NOL4L: variants seen among roughly 807,000 people sequenced by gnomAD.
NOL4L encodes nucleolar protein 4-like.
Under a neutral mutation model 64.5 loss-of-function variants are expected in NOL4L, and 7 were observed. The observed-to-expected ratio is 0.11, with a 90% CI of 0.06 to 0.20. The LOEUF is 0.20. NOL4L is among the 10% of genes least tolerant of loss of function. The probability of loss-of-function intolerance (pLI) is 1.00; values close to 1 mark genes in which losing one functional copy is unlikely to be tolerated. For missense variants in NOL4L, 680 were observed against 967.1 expected, an observed-to-expected ratio of 0.70 and a Z score of 3.94; for synonymous variants, 413 against 401.0, an observed-to-expected ratio of 1.03 and a Z score of -0.36.
intron 1 of NOL4L, among the ~76,000 whole-genome samples, chr20:32,535,044 G>C (rs1226278089): frequency 6.6e-6 from 1 of 151,986 alleles, no homozygotes; most frequent in African/African-American, 2.4e-5. Context: ...GGAGGAGGTG[G>C]AGAGGAAATT....
chr20:32,461,836 C>G (rs992981341), intron 5 of NOL4L, among the ~76,000 whole-genome samples: 11 of 151,806 alleles, frequency 7.2e-5, no homozygotes, highest in Admixed American at 7.2e-4. Context: ...TGTCTCTGGC[C>G]TGTGCCCAGC....
chr20:32,488,880 T>TTTCTTTC (rs1568649585), intron 4 of NOL4L, among the ~76,000 whole-genome samples: 3 of 99,938 alleles, frequency 3.0e-5, no homozygotes, highest in East Asian at 5.8e-4. Flanking sequence ...TCTTTCTTTC[T>TTTCTTTC]TTCTTTCTTT....
Position 32,460,352 on chromosome 20 carries a change from C to T in NOL4L, c.842-3957G>A, listed in dbSNP as rs149272331. The stretch of plus-strand genomic sequence containing the variant: ...GAAAGCCTGCCTTCCCCAGTGACAC[C>T]AAGGTCTCGCCTACCCCCAGCTCCG... On this transcript the variant is annotated intron_variant, in intron 5 of 10. Coordinates refer to ENST00000621426, the MANE Select transcript of NOL4L (RefSeq NM_001256798.2). The surrounding 1 kb of genome is among the most constrained non-coding windows in gnomAD (Gnocchi z 5.7). Among the ~76,000 whole-genome samples, 4 of 152,314 alleles carry T rather than the reference C, an allele frequency of 2.6e-5. No homozygotes were observed. The highest frequency in any genetic ancestry group is 9.6e-5 in the African/African-American group (4 of 41,560).
intron 4 of NOL4L, among the ~76,000 whole-genome samples, chr20:32,478,717 G>A (rs140282502): frequency 1.3e-5 from 2 of 152,234 alleles, no homozygotes; most frequent in Admixed American, 6.5e-5. Context: ...TCAGCCTCCC[G>A]AGGAGCTGGC....
intron 1 of NOL4L, among the ~76,000 whole-genome samples, chr20:32,578,840 C>T (rs1047073795): frequency 6.6e-6 from 1 of 152,210 alleles, no homozygotes; most frequent in Non-Finnish European, 1.5e-5. Context: ...AGTTCAGAGC[C>T]TTTTCTCCCA....
chr20:32,453,766 AAGG>A lies in NOL4L; in HGVS notation c.1120-8_1120-6del. On this transcript the variant is annotated splice_polypyrimidine_tract_variant and splice_region_variant and intron_variant, in intron 6 of 10. Coordinates refer to ENST00000621426, the MANE Select transcript of NOL4L (RefSeq NM_001256798.2). This position sits in a 1 kb window ranked among gnomAD's most constrained non-coding sequence, Gnocchi z 5.6. ...CCCAGAGCTGTAGGGGGGGGACTAAAAGGAGGGCAAGAGGCAGAGGGTTGGGCC... is the reference window on the plus strand; with the variant it reads ...CCCAGAGCTGTAGGGGGGGGACTAAAAGGGCAAGAGGCAGAGGGTTGGGCC... 6.4e-7 allele frequency: 1 copy of A among 1,552,102 alleles called. No individual in the cohort carries two copies.
chr20:32,554,182 G>A lies in NOL4L; in HGVS notation c.322-26269C>T, dbSNP rs562657537. ...AAAAAATACAAAAAATTAGCCGGGC[G>A]TGGTGGCAGGTGCCTGTAGTCCCAG... On this transcript the variant is annotated intron_variant, in intron 1 of 10. Coordinates refer to ENST00000621426, the MANE Select transcript of NOL4L (RefSeq NM_001256798.2). Among the ~76,000 whole-genome samples the A allele has an allele frequency of 5.9e-5, 9 of 152,046 alleles. No homozygotes were observed. In the South Asian group the frequency reaches 6.2e-4, roughly 11 times the overall value.
At chr20:32,550,189 T>G (rs1324439317) in intron 1 of NOL4L, among the ~76,000 whole-genome samples, 1 of 152,242 alleles carries the variant, frequency 6.6e-6, no homozygotes, top group Non-Finnish European at 1.5e-5. Context: ...TACACAATCC[T>G]AGATGACACA....
intron 1 of NOL4L, among the ~76,000 whole-genome samples, chr20:32,545,441 C>G (rs1474899814): frequency 6.6e-6 from 1 of 152,228 alleles, no homozygotes; most frequent in Non-Finnish European, 1.5e-5. Context: ...CAGCATGGGC[C>G]TCTCCTCTGC....
chr20:32,532,041 C>T (rs561147853), intron 1 of NOL4L, among the ~76,000 whole-genome samples: 7 of 152,330 alleles, frequency 4.6e-5, no homozygotes, highest in African/African-American at 1.7e-4. Flanking sequence ...TCCCATGTGG[C>T]CTGTCTCTTC....
chr20:32,453,301 C>CA lies in NOL4L; in HGVS notation c.1497+2dup, dbSNP rs779971776. 5.4e-5 allele frequency: 87 copies of CA among 1,612,374 alleles called. No individual in the cohort carries two copies. The highest frequency in any genetic ancestry group is 7.2e-5 in the Non-Finnish European group (85 of 1,178,826). On this transcript the variant is annotated splice_region_variant and intron_variant, in intron 8 of 10. Coordinates refer to ENST00000621426, the MANE Select transcript of NOL4L (RefSeq NM_001256798.2). This position sits in a 1 kb window ranked among gnomAD's most constrained non-coding sequence, Gnocchi z 5.6. ...AAGTGTGGGCCAGGCAGGGGGGACTCACCATCTCCATGCCGTTCTTCTTCA... is the reference window on the plus strand; with the variant it reads ...AAGTGTGGGCCAGGCAGGGGGGACTCAACCATCTCCATGCCGTTCTTCTTCA...
chr20:32,572,764 C>G (rs1268675856), intron 1 of NOL4L, among the ~76,000 whole-genome samples: 1 of 152,110 alleles, frequency 6.6e-6, no homozygotes, highest in Non-Finnish European at 1.5e-5. Context: ...GGAGGCAAAC[C>G]CAGCTGACTA....
At position 32,463,745 on chromosome 20, in the gene NOL4L, G is replaced by A. The variant is rs762280734; in HGVS notation, c.842-7350C>T. Among the ~76,000 whole-genome samples, 4 of 152,126 alleles carry A rather than the reference G, an allele frequency of 2.6e-5. No individual in the cohort carries two copies. Among genetic ancestry groups the A allele is most frequent in the Non-Finnish European group, 5.9e-5 (4 of 68,028 alleles). On this transcript the variant is annotated intron_variant, in intron 5 of 10. Transcript: ENST00000621426. The surrounding 1 kb of genome is among the most constrained non-coding windows in gnomAD (Gnocchi z 5.8). The stretch of plus-strand genomic sequence containing the variant: ...GCCCTTATGTGGGCGCCAGTGCCCC[G>A]CAGCCCGCACAAGCCCAGCTCTGTG...
intron 1 of NOL4L, chr20:32,532,494 G>T: frequency 2.4e-6 from 1 of 409,408 alleles, no homozygotes; most frequent in South Asian, 1.0e-4. Flanking sequence ...ATCCATGGAG[G>T]TAATAACCTT....
chr20:32,535,860 T>G, intron 1 of NOL4L: 1 of 985,444 alleles, frequency 1.0e-6, no homozygotes, highest in Non-Finnish European at 1.2e-6. Context: ...CAATGACTTA[T>G]GAGGGCTGGA....
chr20:32,519,696 G>C (rs1401245369), intron 3 of NOL4L: 2 of 152,636 alleles, frequency 1.3e-5, no homozygotes, highest in African/African-American at 2.4e-5. Flanking sequence ...GTTTGAGGGG[G>C]TGCGGGGGTG....
chr20:32,545,005 C>G (rs1442886004), intron 1 of NOL4L, among the ~76,000 whole-genome samples: 4 of 151,860 alleles, frequency 2.6e-5, no homozygotes, highest in African/African-American at 9.7e-5. Flanking sequence ...AGTGTGACTC[C>G]AGACCCACAC....
chr20:32,469,345 C>T (rs747821779), intron 5 of NOL4L, among the ~76,000 whole-genome samples: 22 of 149,906 alleles, frequency 1.5e-4, no homozygotes, highest in Non-Finnish European at 2.5e-4. Context: ...TTTCTTTTTT[C>T]CTCCTTTATT....
At chr20:32,531,343 A>G (rs567495856) in intron 1 of NOL4L, among the ~76,000 whole-genome samples, 2 of 152,026 alleles carry the variant, frequency 1.3e-5, no homozygotes, top group African/African-American at 2.4e-5. Context: ...TGGGGGCCTT[A>G]GGTGGGTTAC....
Sources: gnomAD v4.1 joint callset for allele counts (sites outside exome capture counted in the v4.1 genomes callset) on GRCh38, gnomAD v4.1.1 for gene constraint, Gnocchi (gnomAD v3.1) non-coding constraint, MANE v1.5 for transcripts, NCBI Gene and HGNC (gene_info 2026-07-23, HGNC 2026-07-21) for gene names.